DLG3: variants seen among roughly 807,000 people sequenced by gnomAD.
DLG3 encodes the protein discs large MAGUK scaffold protein 3.
A neutral mutation model predicts 64.1 loss-of-function variants in DLG3; 1 was observed. The ratio of observed to expected loss-of-function variants is 0.02; its 90% confidence interval spans 0.01 to 0.07. DLG3 has a LOEUF of 0.07. DLG3 is among the 10% of genes least tolerant of loss of function. DLG3 has a pLI of 1.00. For synonymous variants in DLG3, 245 were observed against 259.8 expected (o/e 0.94, Z 0.55); for missense variants, 429 against 669.5 (o/e 0.64, Z 3.96).
At chrX:70,446,245 T>G (rs959688739) in intron 1 of DLG3, among the ~76,000 whole-genome samples, 1 of 110,324 alleles carries the variant, frequency 9.1e-6, no homozygotes, top group Admixed American at 9.6e-5. Context: ...TGTGCACGCG[T>G]GTGCCTGGTG....
intron 9 of DLG3, among the ~76,000 whole-genome samples, chrX:70,459,105 C>T (rs1264199981): frequency 9.0e-6 from 1 of 111,611 alleles, no homozygotes; most frequent in Non-Finnish European, 1.9e-5. Flanking sequence ...CTTGAAAGCC[C>T]TTTTGTTTTT....
At chrX:70,500,376 C>A in intron 16 of DLG3, 95 bp from the exon 17 acceptor site, 2 of 771,270 alleles carry the variant, frequency 2.6e-6, no homozygotes, top group South Asian at 2.2e-5. Context: ...CACCCCCACC[C>A]CCGGCCAAGG....
intron 15 of DLG3, among the ~76,000 whole-genome samples, chrX:70,499,616 C>T (rs2087519314): frequency 8.9e-6 from 1 of 111,886 alleles, no homozygotes; most frequent in South Asian, 3.8e-4. Context: ...TTGGCACCCT[C>T]TGCCATGCTT....
intron 6 of DLG3, 27 bp downstream of exon 6, chrX:70,450,810 G>C: frequency 2.5e-6 from 3 of 1,210,663 alleles, no homozygotes; most frequent in East Asian, 3.0e-5. Context: ...CCCTGTCCCT[G>C]GTCTAAAGCT....
intron 12 of DLG3, 103 bp downstream of exon 12, chrX:70,492,699 C>T: frequency 1.3e-6 from 1 of 774,390 alleles, no homozygotes; most frequent in Non-Finnish European, 2.0e-6. Context: ...AAAAGAAAAT[C>T]TCTTTTTCAG....
At chrX:70,446,838 G>A (rs916792013) in intron 1 of DLG3, among the ~76,000 whole-genome samples, 4 of 112,343 alleles carry the variant, frequency 3.6e-5, no homozygotes, top group African/African-American at 1.3e-4. Flanking sequence ...GGCAGGTGAT[G>A]ACTTCCCCAA....
intron 12 of DLG3, chrX:70,493,596 CG>C: frequency 3.4e-6 from 2 of 580,084 alleles, no homozygotes; most frequent in Non-Finnish European, 5.8e-6. Context: ...TGCCTGTGTG[CG>C]TGTGCACCTG....
intron 10 of DLG3, among the ~76,000 whole-genome samples, chrX:70,487,914 GTGC>G (rs2087284990): frequency 9.0e-6 from 1 of 111,513 alleles, no homozygotes; most frequent in African/African-American, 3.3e-5. Flanking sequence ...GCCTCCCAAA[GTGC>G]TAAGATTACA....
chrX:70,470,943 G>A (rs1420902290), intron 9 of DLG3, among the ~76,000 whole-genome samples: 1 of 111,391 alleles, frequency 9.0e-6, no homozygotes. Context: ...TGACATGTTA[G>A]TGTTTTGCAG....
intron 9 of DLG3, among the ~76,000 whole-genome samples, chrX:70,471,017 G>C (rs1003933047): frequency 5.4e-5 from 6 of 110,205 alleles, no homozygotes; most frequent in Non-Finnish European, 1.1e-4. Flanking sequence ...GAGAAAGTTT[G>C]TATTCCTTTT....
In DLG3 at chrX:70,498,848, G is replaced by A. The variant is rs191195934; in HGVS notation, c.1870+278G>A. On this transcript the variant is annotated intron_variant, in intron 14 of 18. Coordinates refer to ENST00000374360, the MANE Select transcript of DLG3 (RefSeq NM_021120.4). ...ACAAGGAAAGTCTATTTCAGTAGAT[G>A]TAGCCACTGCTAAAAGAGAGGTCCA... is the stretch of plus-strand genomic sequence containing the variant. Among the ~76,000 whole-genome samples the A allele has an allele frequency of 2.7e-3, 300 of 112,277 alleles. 1 individual carries two copies. The highest frequency in any genetic ancestry group is 9.0e-3 in the African/African-American group (278 of 30,933).
chrX:70,445,347 C>T lies in DLG3; in HGVS notation c.146C>T (p.Ala49Val). 1 of 1,171,393 alleles carries T rather than the reference C, an allele frequency of 8.5e-7. No individual in the cohort carries two copies. Residue 49 changes from alanine to valine, a missense_variant, in exon 1 of 19, where the codon GCG becomes GTG. Coordinates refer to ENST00000374360, the MANE Select transcript of DLG3 (RefSeq NM_021120.4). ...YGPGGGNGAS[A>V]GYGGYSSQTL... ...CCAGGTGGGGGCAACGGCGCCAGCGCGGGTTATGGGGGCTACAGCTCGCAG... is the reference window on the plus strand; with the variant it reads ...CCAGGTGGGGGCAACGGCGCCAGCGTGGGTTATGGGGGCTACAGCTCGCAG...
At chrX:70,477,465 G>A (rs867110048) in intron 9 of DLG3, among the ~76,000 whole-genome samples, 5 of 111,826 alleles carry the variant, frequency 4.5e-5, no homozygotes, top group African/African-American at 1.3e-4. Context: ...GCACCCAGGC[G>A]GTCTCCAGAG....
intron 9 of DLG3, among the ~76,000 whole-genome samples, chrX:70,467,390 T>TAC (rs201116376): frequency 6.3e-5 from 7 of 111,838 alleles, no homozygotes; most frequent in South Asian, 3.7e-4. Flanking sequence ...AATTCTTTTA[T>TAC]ACACACACAC....
chrX:70,451,741 C>A, intron 6 of DLG3, 126 bp from the exon 7 acceptor site: 1 of 823,940 alleles, frequency 1.2e-6, no homozygotes, highest in Non-Finnish European at 1.8e-6. Flanking sequence ...GGAGGTGCGG[C>A]CTGAGGAATC....
At chrX:70,448,627 C>T in intron 1 of DLG3, 1 of 1,164,583 alleles carries the variant, frequency 8.6e-7, no homozygotes, top group Non-Finnish European at 1.1e-6. Context: ...TGAAGCACAG[C>T]CTCTCGGTGA....
intron 1 of DLG3, among the ~76,000 whole-genome samples, chrX:70,446,302 G>A (rs1472419548): frequency 1.8e-5 from 2 of 110,219 alleles, no homozygotes; most frequent in Non-Finnish European, 3.8e-5. Context: ...GGTGAGAGGC[G>A]CTTGACAGGC....
At position 70,460,300 on chromosome X, in the gene DLG3, A is replaced by AC. The variant is rs1443716057; in HGVS notation, c.1405+5984_1405+5985insC. ...TCTGTCTCAAAAAAAAAAAAAAAAA[A>AC]AAAAAAACTCCCAAATCTCAGCTTT... On this transcript the variant is annotated intron_variant, in intron 9 of 18. Coordinates refer to ENST00000374360, the MANE Select transcript of DLG3 (RefSeq NM_021120.4). 3.3e-3 allele frequency among the ~76,000 whole-genome samples: 334 copies of AC among 100,572 alleles called. 1 individual carries two copies. Among genetic ancestry groups the AC allele is most frequent in the East Asian group, 5.8e-3 (19 of 3,261 alleles). The allele number at this position is 100,572 out of a possible 115,157, so 87.3% of individuals were successfully genotyped here.
chrX:70,501,989 G>A (rs1202131560), intron 18 of DLG3, among the ~76,000 whole-genome samples, 174 bp from the exon 19 acceptor site: 1 of 110,737 alleles, frequency 9.0e-6, no homozygotes, highest in Admixed American at 9.6e-5. Flanking sequence ...TGAACACACA[G>A]GCAGCCAGCC....
Sources: gnomAD v4.1 joint callset for allele counts (sites outside exome capture counted in the v4.1 genomes callset) on GRCh38, gnomAD v4.1.1 for gene constraint, MANE v1.5 for transcripts, NCBI Gene and HGNC (gene_info 2026-07-23, HGNC 2026-07-21) for gene names.